The following GUCY1A2 variants were observed in gnomAD, a reference collection of about 807,000 sequenced individuals.
GUCY1A2 encodes guanylate cyclase soluble subunit alpha-2.
A neutral mutation model predicts 63.5 loss-of-function variants in GUCY1A2; 27 were observed. That is an observed-to-expected ratio of 0.43 (90% CI 0.31 to 0.59). GUCY1A2 has a LOEUF of 0.59. Ranked by LOEUF, GUCY1A2 falls within the 20% of genes least tolerant of loss-of-function variation. The probability of loss-of-function intolerance (pLI) is 0.11; values close to 1 mark genes in which losing one functional copy is unlikely to be tolerated. For missense variants in GUCY1A2, 768 were observed against 913.3 expected (o/e 0.84, Z 2.05); for synonymous variants, 364 against 343.5 (o/e 1.06, Z -0.66).
At chr11:106,827,897 G>T in intron 4 of GUCY1A2, 1 of 1,511,484 alleles carries the variant, frequency 6.6e-7, no homozygotes, top group Non-Finnish European at 9.2e-7. Context: ...TCATGCTGCC[G>T]GACTCCCAGT....
intron 4 of GUCY1A2, among the ~76,000 whole-genome samples, chr11:106,852,189 T>C (rs1404511738): frequency 2.0e-5 from 3 of 152,076 alleles, no homozygotes; most frequent in Non-Finnish European, 4.4e-5. Flanking sequence ...AACTTGTGTA[T>C]CACTTCTAAG....
intron 6 of GUCY1A2, among the ~76,000 whole-genome samples, chr11:106,758,419 A>G (rs572062148): frequency 1.3e-5 from 2 of 152,280 alleles, no homozygotes; most frequent in South Asian, 4.1e-4. Flanking sequence ...TCCCTTGGCT[A>G]GGAAAGGGAA....
chr11:106,789,761 G>C (rs1864625346), intron 5 of GUCY1A2, among the ~76,000 whole-genome samples: 1 of 152,182 alleles, frequency 6.6e-6, no homozygotes, highest in African/African-American at 2.4e-5. Flanking sequence ...CACCCATAGA[G>C]GTACCACCTT....
chr11:107,013,493 A>G (rs1197147735), intron 1 of GUCY1A2, among the ~76,000 whole-genome samples: 4 of 152,256 alleles, frequency 2.6e-5, no homozygotes, highest in African/African-American at 9.6e-5. Context: ...TTTAAAATAA[A>G]GAATGTAATA....
intron 4 of GUCY1A2, among the ~76,000 whole-genome samples, chr11:106,838,401 A>G (rs548744377): frequency 6.6e-6 from 1 of 152,022 alleles, no homozygotes; most frequent in Non-Finnish European, 1.5e-5. Context: ...ATAAAGTTGA[A>G]AACATTTTGG....
intron 1 of GUCY1A2, among the ~76,000 whole-genome samples, chr11:107,015,592 A>C (rs991121662): frequency 1.1e-4 from 15 of 142,000 alleles, no homozygotes; most frequent in Admixed American, 2.8e-4. Flanking sequence ...AAAAAAAAAA[A>C]AAAAAACCTC....
intron 4 of GUCY1A2, among the ~76,000 whole-genome samples, chr11:106,852,564 T>C (rs1859370875): frequency 1.3e-5 from 2 of 152,180 alleles, no homozygotes; most frequent in South Asian, 2.1e-4. Context: ...TCTAGTAAAA[T>C]GAACATTTGG....
chr11:106,888,197 G>A (rs543844580), intron 4 of GUCY1A2, among the ~76,000 whole-genome samples: 36 of 151,940 alleles, frequency 2.4e-4, no homozygotes, highest in Non-Finnish European at 5.0e-4. Context: ...GGTGGCTCAC[G>A]CCTGTAATCC....
At chr11:106,935,273 T>G (rs899628354) in intron 4 of GUCY1A2, among the ~76,000 whole-genome samples, 4 of 152,176 alleles carry the variant, frequency 2.6e-5, no homozygotes, top group Non-Finnish European at 2.9e-5. Flanking sequence ...CGGAGACTGT[T>G]ATAGGTGGAA....
intron 6 of GUCY1A2, among the ~76,000 whole-genome samples, chr11:106,740,648 C>T (rs1863677031): frequency 1.3e-5 from 2 of 148,748 alleles, no homozygotes; most frequent in Non-Finnish European, 3.0e-5. Flanking sequence ...GACCATATCA[C>T]TGTATGTATG....
chr11:106,752,225 A>G, intron 6 of GUCY1A2, among the ~76,000 whole-genome samples: 1 of 152,296 alleles, frequency 6.6e-6, no homozygotes, highest in Middle Eastern at 3.4e-3. Flanking sequence ...ACGTAACAAA[A>G]CCTAATATAA....
At chr11:106,737,751 G>C (rs1355470596) in intron 6 of GUCY1A2, among the ~76,000 whole-genome samples, 1 of 152,176 alleles carries the variant, frequency 6.6e-6, no homozygotes, top group African/African-American at 2.4e-5. Context: ...TGGTTGCATA[G>C]TATTCCATGG....
At chr11:106,963,395 T>A (rs2120069899) in intron 3 of GUCY1A2, among the ~76,000 whole-genome samples, 1 of 152,274 alleles carries the variant, frequency 6.6e-6, no homozygotes, top group South Asian at 2.1e-4. Flanking sequence ...GCAATAGAAG[T>A]AGTCAGCAGT....
chr11:106,799,157 G>A (rs1411302177), intron 5 of GUCY1A2, among the ~76,000 whole-genome samples: 1 of 152,124 alleles, frequency 6.6e-6, no homozygotes, highest in Non-Finnish European at 1.5e-5. Flanking sequence ...CTGCTTCAAA[G>A]AGAATAAAAT....
Position 106,700,648 on chromosome 11 carries a change from T to C in GUCY1A2, c.1991+7864A>G, listed in dbSNP as rs931175919. On this transcript the variant is annotated intron_variant, in intron 7 of 7. Coordinates refer to ENST00000526355, the MANE Select transcript of GUCY1A2 (RefSeq NM_000855.3). ...GTCTTTACTGATTATATTTCTTTTG[T>C]AAAATATGTTTACTGTTTTGGTGCT... Among the ~76,000 whole-genome samples, 5 of 152,196 alleles carry C rather than the reference T, an allele frequency of 3.3e-5. No individual in the cohort carries two copies. In the East Asian group the frequency reaches 7.7e-4, roughly 23 times the overall value.
At chr11:106,980,423 A>AATTTTCC (rs1339301746) in intron 2 of GUCY1A2, among the ~76,000 whole-genome samples, 1 of 152,132 alleles carries the variant, frequency 6.6e-6, no homozygotes, top group East Asian at 1.9e-4. Flanking sequence ...ACCCCAATGA[A>AATTTTCC]ATTTTCCATT....
In GUCY1A2 at chr11:107,017,833, C is replaced by G. The variant is rs925199248; in HGVS notation, c.223G>C (p.Gly75Arg). ...ASAAAAAATA[G>R]ARRVQRRRRV... ...CTCCGGCGCTGCACCCTCCTGGCCC[C>G]GGCAGTGGCAGCGGCGGCGGCGGCA... Residue 75 changes from glycine to arginine, a missense_variant, in exon 1 of 8, where the codon GGG becomes CGG. Gly to Arg is a moderately radical substitution (Grantham distance 125). This residue lies in a region of GUCY1A2 where 496 missense variants were observed against 486.9 expected (regional missense o/e 1.02). Transcript: ENST00000526355. The G allele has an allele frequency of 3.9e-6, 5 of 1,291,948 alleles. No individual in the cohort carries two copies. Among genetic ancestry groups the G allele is most frequent in the African/African-American group, 1.5e-5 (1 of 65,390 alleles). The allele number at this position is 1,291,948 out of a possible 1,614,324, so 80.0% of individuals were successfully genotyped here. A position where few individuals can be genotyped will look rare whatever the true frequency, so the allele number is the denominator to read the frequency against.
intron 6 of GUCY1A2, among the ~76,000 whole-genome samples, chr11:106,759,525 C>T (rs1446431238): frequency 6.6e-6 from 1 of 152,188 alleles, no homozygotes; most frequent in Non-Finnish European, 1.5e-5. Context: ...CAGAATTTAA[C>T]ATTAATTAGA....
At chr11:106,706,084 T>G (rs1481910761) in intron 7 of GUCY1A2, among the ~76,000 whole-genome samples, 1 of 152,226 alleles carries the variant, frequency 6.6e-6, no homozygotes, top group Non-Finnish European at 1.5e-5. Flanking sequence ...ATTCAATTAT[T>G]TGAATATTTA....
Sources: gnomAD v4.1 joint callset for allele counts (sites outside exome capture counted in the v4.1 genomes callset) on GRCh38, gnomAD v4.1.1 for gene constraint, gnomAD v4.1.1 regional missense constraint, MANE v1.5 for transcripts, NCBI Gene and HGNC (gene_info 2026-07-23, HGNC 2026-07-21) for gene names.